The following SNX29 variants were observed in gnomAD, a reference collection of about 807,000 sequenced individuals.
The protein encoded by SNX29 is sorting nexin-29.
SNX29 carries 78 observed loss-of-function variants against 102.1 expected under a neutral mutation model. That is an observed-to-expected ratio of 0.76 (90% confidence interval 0.64 to 0.92). SNX29 has a LOEUF of 0.92. Ranked by LOEUF, SNX29 falls within the 40% of genes least tolerant of loss-of-function variation. SNX29 has a pLI of 0.00. For missense variants in SNX29, 1,280 were observed against 1,061.7 expected (o/e 1.21, Z -2.86); for synonymous variants, 580 against 414.5 (o/e 1.40, Z -4.85).
chr16:12,506,446 A>G (rs1224072819), intron 19 of SNX29, among the ~76,000 whole-genome samples: 4 of 152,224 alleles, frequency 2.6e-5, no homozygotes, highest in Non-Finnish European at 4.4e-5. Context: ...TGACAAGGCC[A>G]TGAAGGGGAT....
chr16:12,368,630 G>C (rs139200419), intron 16 of SNX29, among the ~76,000 whole-genome samples: 1 of 152,326 alleles, frequency 6.6e-6, no homozygotes, highest in African/African-American at 2.4e-5. Flanking sequence ...CAGAGGTCCT[G>C]CTTGGATAAT....
intron 20 of SNX29, among the ~76,000 whole-genome samples, chr16:12,530,832 A>C (rs1396202378): frequency 1.3e-5 from 2 of 152,222 alleles, no homozygotes; most frequent in African/African-American, 4.8e-5. Context: ...CTGGGATTAC[A>C]GGCGTGAGCC....
At chr16:12,476,393 T>A (rs1157754737) in intron 18 of SNX29, among the ~76,000 whole-genome samples, 3 of 16,066 alleles carry the variant, frequency 1.9e-4, no homozygotes, top group East Asian at 4.8e-3. Context: ...AATATATATA[T>A]ATATATATAT....
At chr16:12,522,910 A>C (rs1023481084) in intron 19 of SNX29, among the ~76,000 whole-genome samples, 1 of 152,130 alleles carries the variant, frequency 6.6e-6, no homozygotes, top group African/African-American at 2.4e-5. Flanking sequence ...TCTCGGGCTT[A>C]AGCAGTCCTC....
chr16:12,516,097 G>A (rs2089853136), intron 19 of SNX29, among the ~76,000 whole-genome samples: 1 of 152,162 alleles, frequency 6.6e-6, no homozygotes, highest in Non-Finnish European at 1.5e-5. Flanking sequence ...TCAGCCGATG[G>A]CTCTCGTCTA....
At chr16:12,515,962 GC>G (rs2089845550) in intron 19 of SNX29, among the ~76,000 whole-genome samples, 1 of 152,086 alleles carries the variant, frequency 6.6e-6, no homozygotes, top group African/African-American at 2.4e-5. Flanking sequence ...CCACGTGTGG[GC>G]TACATGCTCC....
chr16:12,312,785 T>C (rs1161979264), intron 15 of SNX29, among the ~76,000 whole-genome samples: 2 of 152,070 alleles, frequency 1.3e-5, no homozygotes, highest in African/African-American at 4.8e-5. Context: ...GATGTATTAT[T>C]TACTGTTAGG....
At chr16:12,090,337 C>G (rs999090249) in intron 11 of SNX29, 5 of 152,228 alleles carry the variant, frequency 3.3e-5, no homozygotes, top group African/African-American at 1.2e-4. Flanking sequence ...TGGGGAGCGG[C>G]GGGGCTCTAG....
intron 13 of SNX29, 86 bp from the exon 14 acceptor site, chr16:12,199,515 A>T: frequency 8.6e-7 from 1 of 1,156,988 alleles, no homozygotes; most frequent in African/African-American, 1.6e-5. Flanking sequence ...TCTTTACACA[A>T]ATTCACCACC....
intron 14 of SNX29, among the ~76,000 whole-genome samples, chr16:12,234,969 AGTGT>A (rs925216469): frequency 1.3e-5 from 2 of 151,612 alleles, no homozygotes; most frequent in Non-Finnish European, 2.9e-5. Flanking sequence ...CTCTTCTCTG[AGTGT>A]GTGTATGTGT....
intron 18 of SNX29, among the ~76,000 whole-genome samples, chr16:12,457,115 G>A (rs568628036): frequency 6.6e-6 from 1 of 152,298 alleles, no homozygotes; most frequent in African/African-American, 2.4e-5. Flanking sequence ...TTCAGGGCAG[G>A]TCAAGTCACA....
At chr16:12,496,439 C>G (rs2088827757) in intron 19 of SNX29, among the ~76,000 whole-genome samples, 1 of 151,634 alleles carries the variant, frequency 6.6e-6, no homozygotes, top group African/African-American at 2.4e-5. Flanking sequence ...AGGCTGGGCC[C>G]TTCGCTGGAG....
intron 14 of SNX29, among the ~76,000 whole-genome samples, chr16:12,243,897 C>T (rs888047763): frequency 6.6e-6 from 1 of 152,180 alleles, no homozygotes; most frequent in Non-Finnish European, 1.5e-5. Flanking sequence ...TTCAGCATGT[C>T]TGGAACCATT....
intron 14 of SNX29, among the ~76,000 whole-genome samples, chr16:12,250,149 T>C (rs1375992014): frequency 2.0e-5 from 3 of 152,174 alleles, no homozygotes; most frequent in Non-Finnish European, 4.4e-5. Flanking sequence ...TTAGACAGAC[T>C]TAGGTGGCCA....
intron 15 of SNX29, among the ~76,000 whole-genome samples, chr16:12,321,088 T>C (rs1002737560): frequency 2.6e-5 from 4 of 152,102 alleles, no homozygotes; most frequent in Non-Finnish European, 5.9e-5. Flanking sequence ...CCCGGTTCCC[T>C]CCGCTGCCTC....
chr16:12,177,239 A>T (rs990457952), intron 13 of SNX29, among the ~76,000 whole-genome samples: 4 of 152,078 alleles, frequency 2.6e-5, no homozygotes, highest in Non-Finnish European at 5.9e-5. Flanking sequence ...GGTGTGAGCC[A>T]CCATGCCTGG....
At chr16:12,531,711 G>A (rs1353558449) in intron 20 of SNX29, among the ~76,000 whole-genome samples, 1 of 152,186 alleles carries the variant, frequency 6.6e-6, no homozygotes, top group Non-Finnish European at 1.5e-5. Flanking sequence ...ACAAGGAGGG[G>A]AAGCCCGCTT....
At position 12,499,728 on chromosome 16, in the gene SNX29, C is replaced by T. The variant is rs187794997; in HGVS notation, c.2178+21869C>T. Among the ~76,000 whole-genome samples, 188 of 152,314 alleles carry T rather than the reference C, an allele frequency of 1.2e-3. 3 individuals are homozygous for T. In the Middle Eastern group the frequency reaches 0.02, roughly 17 times the overall value. On this transcript the variant is annotated intron_variant, in intron 19 of 20. Transcript: ENST00000566228. ...TCACTCTGTCGCCCAGGCTGGAGTT[C>T]GGTGGCACAATCACGGCTCACTTGC...
At chr16:11,985,090 CT>C (rs1353649947) in intron 1 of SNX29, among the ~76,000 whole-genome samples, 2 of 151,654 alleles carry the variant, frequency 1.3e-5, no homozygotes, top group Non-Finnish European at 2.9e-5. Context: ...GAGTTTATCA[CT>C]TTTGATTCCT....
Sources: allele counts gnomAD v4.1 joint callset (sites outside exome capture counted in the v4.1 genomes callset), GRCh38; gene constraint gnomAD v4.1.1; transcripts MANE v1.5; gene names NCBI Gene and HGNC (gene_info 2026-07-23, HGNC 2026-07-21).